The following RMST variants were observed in gnomAD, a reference collection of about 807,000 sequenced individuals.
The protein encoded by RMST is rhabdomyosarcoma 2 associated transcript.
chr12:97,512,197 G>A (rs916277063), intron 10 of RMST, among the ~76,000 whole-genome samples: 2 of 151,832 alleles, frequency 1.3e-5, no homozygotes, highest in African/African-American at 2.4e-5. Context: ...CAGCTCTTAA[G>A]GTGGCGCGTC....
chr12:97,468,441 C>G (rs1364763962), intron 5 of RMST, among the ~76,000 whole-genome samples: 1 of 151,974 alleles, frequency 6.6e-6, no homozygotes, highest in Non-Finnish European at 1.5e-5. Flanking sequence ...TTGTACAAAA[C>G]CTTTTTGCAT....
chr12:97,482,126 G>T (rs184322542), intron 5 of RMST, among the ~76,000 whole-genome samples: 68 of 152,240 alleles, frequency 4.5e-4, no homozygotes, highest in African/African-American at 1.6e-3. Flanking sequence ...TTTCCAAAAA[G>T]CACACATCAA....
chr12:97,517,063 C>G lies in RMST; in HGVS notation n.1341-13592C>G, dbSNP rs1195125304. Among the ~76,000 whole-genome samples, 3 of 151,814 alleles carry G rather than the reference C, an allele frequency of 2.0e-5. No homozygotes were observed. In the East Asian group the frequency reaches 5.8e-4, roughly 29 times the overall value. On this transcript the variant is annotated intron_variant and non_coding_transcript_variant, in intron 10 of 13. Transcript: ENST00000640149. ...TATGTGTATGTATTTATTTCAGACT[C>G]TACTCTTTAAAGATTAGATATTATA... is the stretch of plus-strand genomic sequence containing the variant.
At chr12:97,517,312 C>A (rs960471639) in intron 10 of RMST, among the ~76,000 whole-genome samples, 1 of 151,742 alleles carries the variant, frequency 6.6e-6, no homozygotes, top group Admixed American at 6.6e-5. Context: ...CTTGGGCAAG[C>A]ATTTAATATA....
chr12:97,507,349 A>G (rs577722778), intron 10 of RMST, among the ~76,000 whole-genome samples: 1 of 151,714 alleles, frequency 6.6e-6, no homozygotes, highest in South Asian at 2.1e-4. Context: ...GCATGTGGAG[A>G]AAGAAGACAG....
chr12:97,467,170 A>G (rs1873289660), intron 5 of RMST, among the ~76,000 whole-genome samples: 1 of 152,078 alleles, frequency 6.6e-6, no homozygotes, highest in South Asian at 2.1e-4. Flanking sequence ...TGCTGTTGTT[A>G]TAGCTATCTT....
intron 10 of RMST, among the ~76,000 whole-genome samples, chr12:97,520,510 A>G (rs1482044471): frequency 6.6e-6 from 1 of 152,118 alleles, no homozygotes; most frequent in Non-Finnish European, 1.5e-5. Context: ...CCTAAATTAA[A>G]TTTAAAATTA....
chr12:97,553,142 A>G (rs1883422122), intron 11 of RMST, among the ~76,000 whole-genome samples: 1 of 152,254 alleles, frequency 6.6e-6, no homozygotes, highest in Non-Finnish European at 1.5e-5. Flanking sequence ...TTGTTAAAAT[A>G]AAAGACCTAT....
At chr12:97,493,383 G>A (rs548056179) in intron 7 of RMST, 3 of 152,576 alleles carry the variant, frequency 2.0e-5, no homozygotes, top group Non-Finnish European at 4.4e-5. Flanking sequence ...ATTTGAAACT[G>A]TACTGTAAAA....
At chr12:97,564,265 A>T (rs191889998) in exon 14 of RMST, 170 of 180,352 alleles carry the variant, frequency 9.4e-4, no homozygotes, top group African/African-American at 3.7e-3. Flanking sequence ...GAAGAAATAG[A>T]CAAATCAGAC....
At chr12:97,492,027 C>A (rs1274844864) in intron 5 of RMST, 1 of 517,708 alleles carries the variant, frequency 1.9e-6, no homozygotes, top group Non-Finnish European at 4.1e-6. Flanking sequence ...TTGGATTGAT[C>A]TAATTCCTTA....
rs77112724 is a variant in RMST, at chr12:97,530,343, A to G, written n.1341-312A>G. 1,016 of 152,206 alleles carry G rather than the reference A, an allele frequency of 6.7e-3. 6 individuals carry two copies. The highest frequency in any genetic ancestry group is 0.024 in the Middle Eastern group (7 of 294). 9.4% of individuals were successfully genotyped at this position (152,206 alleles called of 1,614,324 possible). On this transcript the variant is annotated intron_variant and non_coding_transcript_variant, in intron 10 of 13. Transcript: ENST00000640149. ...AAAACCCTAGGAACTACTGTCTGAG[A>G]TCTGAATGTATTCTTGGTTCCAAAT...
intron 10 of RMST, among the ~76,000 whole-genome samples, chr12:97,513,068 C>G (rs921091757): frequency 2.0e-5 from 3 of 152,224 alleles, no homozygotes; most frequent in Non-Finnish European, 4.4e-5. Context: ...ACCCGGAACT[C>G]GCGCAGGCCC....
At chr12:97,489,673 T>A (rs1876540166) in intron 5 of RMST, among the ~76,000 whole-genome samples, 1 of 152,214 alleles carries the variant, frequency 6.6e-6, no homozygotes, top group Non-Finnish European at 1.5e-5. Context: ...TTCTTAAATA[T>A]GTGTTAATAC....
chr12:97,527,672 C>T (rs1881248389), intron 10 of RMST, among the ~76,000 whole-genome samples: 1 of 152,182 alleles, frequency 6.6e-6, no homozygotes, highest in Admixed American at 6.5e-5. Flanking sequence ...ATTGTACGAT[C>T]TACAGGTCTA....
chr12:97,462,985 G>A (rs1227129408), intron 3 of RMST: 2 of 147,252 alleles, frequency 1.4e-5, no homozygotes, highest in South Asian at 2.3e-4. Flanking sequence ...TGACTTGGCC[G>A]GAGGTTTTAG....
At chr12:97,551,361 G>A (rs1053555751) in intron 11 of RMST, among the ~76,000 whole-genome samples, 2 of 152,072 alleles carry the variant, frequency 1.3e-5, no homozygotes, top group African/African-American at 2.4e-5. Context: ...TGGCTCATAG[G>A]AGAAGCAAAA....
intron 5 of RMST, among the ~76,000 whole-genome samples, chr12:97,491,434 A>G (rs1876797375): frequency 6.6e-6 from 1 of 152,148 alleles, no homozygotes; most frequent in South Asian, 2.1e-4. Context: ...CTAAATCTTA[A>G]CTAAACAAGT....
At chr12:97,476,120 C>A (rs1874528496) in intron 5 of RMST, among the ~76,000 whole-genome samples, 1 of 152,076 alleles carries the variant, frequency 6.6e-6, no homozygotes, top group Non-Finnish European at 1.5e-5. Context: ...GAATGCTAGT[C>A]TATAAGGCAA....
Sources: allele counts gnomAD v4.1 joint callset (sites outside exome capture counted in the v4.1 genomes callset), GRCh38; gene constraint gnomAD v4.1.1; transcripts MANE v1.5; gene names NCBI Gene and HGNC (gene_info 2026-07-23, HGNC 2026-07-21).